The following RASL12 variants were observed in gnomAD, a reference collection of about 807,000 sequenced individuals.
The protein encoded by RASL12 is RAS like family 12.
RASL12 carries 16 observed loss-of-function variants against 22.9 expected under a neutral mutation model. The ratio of observed to expected loss-of-function variants is 0.70; its 90% CI spans 0.47 to 1.06. The LOEUF is 1.06. Among genes scored for constraint, RASL12 ranks in the 50% least tolerant of loss-of-function variants. The probability of loss-of-function intolerance (pLI) is 0.00; values close to 1 mark genes in which losing one functional copy is unlikely to be tolerated. For synonymous variants in RASL12, 159 were observed against 152.2 expected, an observed-to-expected ratio of 1.04 and a Z score of -0.33; for missense variants, 306 against 353.1, an observed-to-expected ratio of 0.87 and a Z score of 1.07.
At chr15:65,057,904 G>T (rs1366159149) in intron 4 of RASL12, among the ~76,000 whole-genome samples, 3 of 152,316 alleles carry the variant, frequency 2.0e-5, no homozygotes, top group Non-Finnish European at 4.4e-5. Flanking sequence ...GGGTGCAGTT[G>T]CTGTGTGACC....
At position 65,059,332 on chromosome 15, in the gene RASL12, G is replaced by C; in HGVS notation, c.234+13C>G. On this transcript the variant is annotated intron_variant, in intron 3 of 4. Transcript: ENST00000220062. The stretch of plus-strand genomic sequence containing the variant: ...GACTCACAGCAGTGCATAGGTAATG[G>C]AGGTAATGTTACCAGGTCTGCAGTG... The C allele has an allele frequency of 6.2e-7, 1 of 1,610,548 alleles. No individual in the cohort carries two copies. The highest frequency in any genetic ancestry group is 8.5e-7 in the Non-Finnish European group (1 of 1,176,744).
At chr15:65,050,824 C>CTTT (rs1396278283), downstream of RASL12, among the ~76,000 whole-genome samples, 1 of 114,926 alleles carries the variant, frequency 8.7e-6, no homozygotes, top group Admixed American at 9.8e-5. Context: ...TTTTTTCTTT[C>CTTT]TTCTTCTTCT....
chr15:65,066,543 C>G (rs2086881553), intron 1 of RASL12, among the ~76,000 whole-genome samples: 1 of 151,924 alleles, frequency 6.6e-6, no homozygotes, highest in South Asian at 2.1e-4. Context: ...GAATAAAATC[C>G]TTAAAATTCT....
At chr15:65,055,631 T>C (rs1200163292) in intron 4 of RASL12, among the ~76,000 whole-genome samples, 1 of 152,120 alleles carries the variant, frequency 6.6e-6, no homozygotes, top group East Asian at 1.9e-4. Context: ...AAGCAGGCCA[T>C]TCCCAGCCCC....
intron 1 of RASL12, among the ~76,000 whole-genome samples, chr15:65,075,813 CT>C (rs1460627509): frequency 1.3e-5 from 2 of 152,070 alleles, no homozygotes; most frequent in Non-Finnish European, 2.9e-5. Flanking sequence ...TCTAGCTGCT[CT>C]GGTGGGGCCT....
At chr15:65,068,788 C>T (rs2086910316), upstream of RASL12, among the ~76,000 whole-genome samples, 1 of 152,198 alleles carries the variant, frequency 6.6e-6, no homozygotes, top group South Asian at 2.1e-4. This position sits in a 1 kb window ranked among gnomAD's most constrained non-coding sequence, Gnocchi z 4.2. Context: ...AAAGGGCCCA[C>T]ACCACGAACC....
Position 65,054,951 on chromosome 15 carries a change from C to T in RASL12, c.749G>A (p.Ser250Asn), listed in dbSNP as rs2086706515. 1.2e-6 allele frequency: 2 copies of T among 1,614,230 alleles called. No individual in the cohort carries two copies. Among genetic ancestry groups the T allele is most frequent in the Non-Finnish European group, 1.7e-6 (2 of 1,180,044 alleles). ...LVTVKSSRAQ[S>N]KRKAPTLTLL... ...AGTCAGGGTAGGCGCCTTGCGCTTG[C>T]TCTGGGCCCGGGATGACTTCACGGT... is the stretch of plus-strand genomic sequence containing the variant. Residue 250 changes from serine (S) to asparagine (N), a missense_variant, in exon 5 of 5, where the codon AGC becomes AAC. Physicochemically the swap from Ser to Asn is conservative, Grantham distance 46. Transcript: ENST00000220062.
chr15:65,059,936 A>T (rs574441851), intron 2 of RASL12, among the ~76,000 whole-genome samples: 43 of 152,384 alleles, frequency 2.8e-4, no homozygotes, highest in African/African-American at 1.0e-3. Flanking sequence ...ATCCTTGTCA[A>T]CATGACAGCA....
chr15:65,073,259 T>C (rs2086943905), intron 1 of RASL12, among the ~76,000 whole-genome samples: 6 of 152,196 alleles, frequency 3.9e-5, no homozygotes, highest in Admixed American at 3.9e-4. Context: ...ATTGTGCATT[T>C]TATTTCTATT....
At chr15:65,051,637 T>A, downstream of RASL12, 4 of 1,597,636 alleles carry the variant, frequency 2.5e-6, no homozygotes, top group Non-Finnish European at 3.4e-6. Flanking sequence ...GATGGGGTGG[T>A]CTCTGTGGGG....
rs1045221742 is a variant in RASL12, at chr15:65,067,977, C to G, written c.-142G>C. On this transcript the variant is annotated 5_prime_UTR_variant, in exon 1 of 5. Coordinates refer to ENST00000220062, the MANE Select transcript of RASL12 (RefSeq NM_016563.4). ...CCGTCGGCGTCCGCGCCCTCGGCCC[C>G]GCGTCCAGCGGGCTGCCACCCCGCG... The G allele has an allele frequency of 2.6e-6, 3 of 1,172,286 alleles. No individual in the cohort carries two copies. The highest frequency in any genetic ancestry group is 7.8e-5 in the East Asian group (2 of 25,768). The allele number at this position is 1,172,286 out of a possible 1,614,324, so 72.6% of individuals were successfully genotyped here. A position where few individuals can be genotyped will look rare whatever the true frequency, so the allele number is the denominator to read the frequency against.
In RASL12 at chr15:65,067,860, G is replaced by C; in HGVS notation, c.-25C>G. On this transcript the variant is annotated 5_prime_UTR_variant, in exon 1 of 5. Coordinates refer to ENST00000220062, the MANE Select transcript of RASL12 (RefSeq NM_016563.4). ...TGGCGACGCCCTGGACGGCCACGCA[G>C]GTCTGCGGCCGGTGGGCCCCGCGCA... 1 of 1,463,436 alleles carries C rather than the reference G, an allele frequency of 6.8e-7. No individual in the cohort carries two copies. Among genetic ancestry groups the C allele is most frequent in the Non-Finnish European group, 9.0e-7 (1 of 1,113,820 alleles). The allele number at this position is 1,463,436 out of a possible 1,614,324, so 90.7% of individuals were successfully genotyped here.
At chr15:65,048,198 A>C in the RASL12 span, among the ~76,000 whole-genome samples, 4 of 119,266 alleles carry the variant, frequency 3.4e-5, no homozygotes, top group Non-Finnish European at 5.5e-5. Context: ...AAAAAAAGAA[A>C]AAAAAAAAAG....
At chr15:65,073,106 GACA>G (rs1289024708) in intron 1 of RASL12, among the ~76,000 whole-genome samples, 1 of 151,964 alleles carries the variant, frequency 6.6e-6, no homozygotes, top group Non-Finnish European at 1.5e-5. Context: ...AACAAAAACC[GACA>G]ACAAAAAACA....
upstream of RASL12, among the ~76,000 whole-genome samples, chr15:65,072,624 T>C (rs1323464392): frequency 1.3e-5 from 2 of 152,196 alleles, no homozygotes; most frequent in African/African-American, 2.4e-5. Context: ...TTAAGCTCCA[T>C]TCCATCCCAA....
chr15:65,052,866 A>T, downstream of RASL12: 4 of 1,068,106 alleles, frequency 3.7e-6, 1 homozygote, highest in South Asian at 5.9e-5. Context: ...CCCAAACTGC[A>T]TAGAGAATTT....
intron 1 of RASL12, among the ~76,000 whole-genome samples, chr15:65,066,144 GAA>G (rs1026428888): frequency 2.0e-5 from 3 of 148,656 alleles, no homozygotes; most frequent in African/African-American, 7.4e-5. Context: ...AGAAAAAAAA[GAA>G]AGAAGAAGAG....
chr15:65,055,216 C>T lies in RASL12; in HGVS notation c.484G>A (p.Glu162Lys), dbSNP rs1435018936. The T allele has an allele frequency of 1.1e-5, 17 of 1,607,920 alleles. No homozygotes were observed. Among genetic ancestry groups the T allele is most frequent in the African/African-American group, 1.3e-5 (1 of 74,930 alleles). Residue 162 changes from glutamate to lysine, a missense_variant, in exon 5 of 5, where the codon GAG becomes AAG. Physicochemically the swap from Glu to Lys is moderately conservative, Grantham distance 56 (BLOSUM62 1). Transcript: ENST00000220062. ...LAGRFGCLFF[E>K]VSACLDFEHV... ...TCAAAGTCCAGACAGGCAGAGACCT[C>T]GAAAAACAGGCACCCAAACCTGCCT... is the stretch of plus-strand genomic sequence containing the variant.
intron 3 of RASL12, among the ~76,000 whole-genome samples, 184 bp from the exon 4 acceptor site, chr15:65,058,801 A>C (rs1297332416): frequency 6.6e-6 from 1 of 150,744 alleles, no homozygotes; most frequent in Non-Finnish European, 1.5e-5. Context: ...TGTCTCATGA[A>C]CCTCCCTCCC....
Sources: gnomAD v4.1 joint callset for allele counts (sites outside exome capture counted in the v4.1 genomes callset) on GRCh38, gnomAD v4.1.1 for gene constraint, Gnocchi (gnomAD v3.1) non-coding constraint, MANE v1.5 for transcripts, NCBI Gene and HGNC (gene_info 2026-07-23, HGNC 2026-07-21) for gene names.